The following DSCAM variants were observed in gnomAD, a reference collection of about 807,000 sequenced individuals.
DSCAM encodes the protein DS cell adhesion molecule, also known as cell adhesion molecule DSCAM.
A neutral mutation model predicts 217.7 loss-of-function variants in DSCAM; 47 were observed. The observed-to-expected ratio is 0.22, with a 90% confidence interval of 0.17 to 0.28. The LOEUF (loss-of-function observed/expected upper bound fraction) is 0.28, where lower values mean the gene tolerates loss of function less well. Ranked by LOEUF, DSCAM falls within the 10% of genes least tolerant of loss-of-function variation. DSCAM has a pLI of 1.00. For synonymous variants in DSCAM, 1,056 were observed against 1,015.3 expected, an observed-to-expected ratio of 1.04 and a Z score of -0.76; for missense variants, 2,080 against 2,618.3, an observed-to-expected ratio of 0.79 and a Z score of 4.49.
At chr21:40,187,779 G>A (rs2090911177) in intron 13 of DSCAM, 112 bp downstream of exon 13, 2 of 960,976 alleles carry the variant, frequency 2.1e-6, no homozygotes, top group Non-Finnish European at 3.3e-6. Flanking sequence ...AATTTCCTGG[G>A]AATTAGGAAG....
intron 1 of DSCAM, among the ~76,000 whole-genome samples, chr21:40,801,751 C>T (rs1569043281): frequency 6.6e-6 from 1 of 152,194 alleles, no homozygotes; most frequent in Non-Finnish European, 1.5e-5. Flanking sequence ...GCTAATTCTG[C>T]AGGCTCTTGG....
intron 3 of DSCAM, among the ~76,000 whole-genome samples, chr21:40,641,991 T>G (rs555446244): frequency 6.8e-6 from 1 of 147,602 alleles, no homozygotes; most frequent in Admixed American, 7.0e-5. Context: ...GAGGTTCCAG[T>G]GAGCTGAGAT....
At chr21:40,459,050 A>T (rs535476655) in intron 3 of DSCAM, among the ~76,000 whole-genome samples, 1 of 152,160 alleles carries the variant, frequency 6.6e-6, no homozygotes, top group South Asian at 2.1e-4. Context: ...AAATGACATA[A>T]GCATCCAACT....
intron 1 of DSCAM, among the ~76,000 whole-genome samples, chr21:40,776,416 T>C (rs1190090444): frequency 1.3e-5 from 2 of 152,110 alleles, no homozygotes; most frequent in African/African-American, 2.4e-5. Context: ...CAAATAGTCA[T>C]AGAAATGAAA....
rs189175382 is a variant in DSCAM, at chr21:40,088,906, T to C, written c.3851-1619A>G. Among the ~76,000 whole-genome samples the C allele has an allele frequency of 2.3e-3, 352 of 152,350 alleles. 1 individual carries two copies. The highest frequency in any genetic ancestry group is 3.1e-3 in the Non-Finnish European group (212 of 68,028). On this transcript the variant is annotated intron_variant, in intron 21 of 32. Coordinates refer to ENST00000400454, the MANE Select transcript of DSCAM (RefSeq NM_001389.5). Reference sequence around the variant, plus strand: ...TACACATGCATTGGGATGTTGTGTATGTGCAAACAAAGTTGCATGAATAAA... The same window carrying C: ...TACACATGCATTGGGATGTTGTGTACGTGCAAACAAAGTTGCATGAATAAA...
At chr21:40,805,919 A>G (rs1271039504) in intron 1 of DSCAM, among the ~76,000 whole-genome samples, 1 of 152,104 alleles carries the variant, frequency 6.6e-6, no homozygotes, top group African/African-American at 2.4e-5. Context: ...CATGTTAGCC[A>G]GGATGGTCTC....
At chr21:40,381,062 C>CAAAAAAAAAAAAAAA (rs71186932) in intron 3 of DSCAM, among the ~76,000 whole-genome samples, 1 of 66,214 alleles carries the variant, frequency 1.5e-5, no homozygotes, top group Admixed American at 2.6e-4. Context: ...GACTCCGTCT[C>CAAAAAAAAAAAAAAA]AAAAAAAAAA....
At position 40,133,893 on chromosome 21, in the gene DSCAM, C is replaced by A; in HGVS notation, c.3523G>T (p.Val1175Phe). ...VLAFTRAGDG[V>F]RSEQIFTRTK... Reference sequence around the variant, plus strand: ...CGGGTGAAGATCTGCTCACTCCTGACCCCGTCTCCTGCGCGGGTGAAGGCC... The same window carrying A: ...CGGGTGAAGATCTGCTCACTCCTGAACCCGTCTCCTGCGCGGGTGAAGGCC... The change falls in exon 19 of 33, where the codon GTC becomes TTC. Residue 1175 changes from valine to phenylalanine, a missense_variant. Transcript: ENST00000400454. 1 of 1,613,540 alleles carries A rather than the reference C, an allele frequency of 6.2e-7. No homozygotes were observed. Among genetic ancestry groups the A allele is most frequent in the Non-Finnish European group, 8.5e-7 (1 of 1,179,728 alleles).
At chr21:40,267,464 C>T (rs1385580594) in intron 11 of DSCAM, among the ~76,000 whole-genome samples, 1 of 152,130 alleles carries the variant, frequency 6.6e-6, no homozygotes, top group Non-Finnish European at 1.5e-5. Flanking sequence ...CATTAAGTTA[C>T]AATGTTAGGA....
At chr21:40,033,719 A>G (rs991820411) in intron 32 of DSCAM, among the ~76,000 whole-genome samples, 3 of 151,234 alleles carry the variant, frequency 2.0e-5, no homozygotes, top group East Asian at 3.9e-4. Flanking sequence ...CTCCACCTCT[A>G]GGGGCAGGGC....
At chr21:40,698,635 C>T (rs1003705071) in intron 2 of DSCAM, among the ~76,000 whole-genome samples, 4 of 152,034 alleles carry the variant, frequency 2.6e-5, no homozygotes, top group African/African-American at 9.7e-5. Context: ...TTTGTGAGGC[C>T]GAGGTGGGCA....
intron 1 of DSCAM, among the ~76,000 whole-genome samples, chr21:40,839,644 T>G (rs1025375253): frequency 2.6e-5 from 4 of 152,164 alleles, no homozygotes; most frequent in Admixed American, 6.5e-5. Context: ...TGCTTTTTTT[T>G]TTGTTTTTTT....
chr21:40,839,711 G>C (rs1206108910), intron 1 of DSCAM, among the ~76,000 whole-genome samples: 1 of 152,108 alleles, frequency 6.6e-6, no homozygotes, highest in Non-Finnish European at 1.5e-5. Flanking sequence ...ATTTAGTATG[G>C]AGGTGATCTC....
chr21:40,577,492 C>T lies in DSCAM; in HGVS notation c.508+115318G>A, dbSNP rs188929508. 1.2e-3 allele frequency among the ~76,000 whole-genome samples: 186 copies of T among 152,228 alleles called. No individual in the cohort carries two copies. In the East Asian group the frequency reaches 0.032, roughly 26 times the overall value. On this transcript the variant is annotated intron_variant, in intron 3 of 32. Transcript: ENST00000400454. ...AGCCGGCTGTCCTTCCGGGGGAGCC[C>T]GGAGCGAGACTGGCTCTCGCCCAGT... is the stretch of plus-strand genomic sequence containing the variant.
intron 4 of DSCAM, among the ~76,000 whole-genome samples, chr21:40,360,193 G>C (rs560155055): frequency 7.0e-6 from 1 of 143,676 alleles, no homozygotes; most frequent in South Asian, 2.2e-4. Flanking sequence ...GTGCAGTGGC[G>C]TGATCTTAGC....
chr21:40,285,689 G>T (rs1429216416), intron 10 of DSCAM, among the ~76,000 whole-genome samples: 1 of 152,112 alleles, frequency 6.6e-6, no homozygotes, highest in East Asian at 1.9e-4. Flanking sequence ...TCTCTTCTTG[G>T]GGAACACACA....
At chr21:40,705,603 CG>C (rs1568994135) in intron 2 of DSCAM, among the ~76,000 whole-genome samples, 1 of 152,138 alleles carries the variant, frequency 6.6e-6, no homozygotes, top group Non-Finnish European at 1.5e-5. Context: ...ATGCAAGCAA[CG>C]GAAGTGCCAG....
At chr21:40,486,778 C>A (rs760689412) in intron 3 of DSCAM, among the ~76,000 whole-genome samples, 1 of 152,138 alleles carries the variant, frequency 6.6e-6, no homozygotes, top group Non-Finnish European at 1.5e-5. Flanking sequence ...TTGAATGGCT[C>A]AAGCTTGAAA....
intron 16 of DSCAM, among the ~76,000 whole-genome samples, chr21:40,162,133 C>T (rs1007368211): frequency 6.6e-6 from 1 of 152,174 alleles, no homozygotes; most frequent in African/African-American, 2.4e-5. Context: ...AACTGGTTGA[C>T]TGCTCAGAAA....
Sources: gnomAD v4.1 joint callset for allele counts (sites outside exome capture counted in the v4.1 genomes callset) on GRCh38, gnomAD v4.1.1 for gene constraint, MANE v1.5 for transcripts, NCBI Gene and HGNC (gene_info 2026-07-23, HGNC 2026-07-21) for gene names.